Variants in CRADD observed in about 807,000 individuals in gnomAD.
CRADD encodes death domain-containing protein CRADD.
In CRADD, 9 loss-of-function variants were observed where a neutral mutation model predicts 15.5. That is an observed-to-expected ratio of 0.58 (90% CI 0.35 to 1.01). CRADD has a LOEUF of 1.01. Among genes scored for constraint, CRADD ranks in the 50% least tolerant of loss-of-function variants. The pLI is 0.02. For synonymous variants in CRADD, 118 were observed against 107.6 expected (o/e 1.10, Z -0.60); for missense variants, 227 against 250.3 (o/e 0.91, Z 0.63).
chr12:93,820,465 C>G (rs932280019), intron 2 of CRADD, among the ~76,000 whole-genome samples: 58 of 151,712 alleles, frequency 3.8e-4, no homozygotes, highest in Middle Eastern at 3.4e-3. Flanking sequence ...AGGAGAATGG[C>G]GTGAACTCAG....
chr12:93,849,995 G>A lies in CRADD; in HGVS notation c.324G>A (p.Ser108=), dbSNP rs140349832. The A allele has an allele frequency of 6.6e-5, 106 of 1,609,298 alleles. No individual in the cohort carries two copies. Among genetic ancestry groups the A allele is most frequent in the East Asian group, 2.5e-4 (11 of 44,856 alleles). The part of the protein sequence containing the change: ...PAGDRLTGIP[S]HILNSSPSDR... ...GTGACAGATTGACTGGGATCCCCTC[G>A]CACATCCTCAACAGCTCCCCATCAG... The change falls in exon 3 of 3, where the codon TCG becomes TCA. Residue 108 remains serine (S), a synonymous_variant. Coordinates refer to ENST00000332896, the MANE Select transcript of CRADD (RefSeq NM_003805.5).
intron 2 of CRADD, among the ~76,000 whole-genome samples, chr12:93,702,304 G>A (rs544609795): frequency 6.6e-6 from 1 of 151,980 alleles, no homozygotes; most frequent in Non-Finnish European, 1.5e-5. Context: ...TCTGGGCTTG[G>A]CAGGGTAGGT....
chr12:93,752,685 A>G (rs1956841094), intron 2 of CRADD, among the ~76,000 whole-genome samples: 1 of 152,224 alleles, frequency 6.6e-6, no homozygotes, highest in Admixed American at 6.5e-5. Context: ...TGGGTAATTT[A>G]TAAAGAAAAA....
chr12:93,805,056 G>A (rs1042575775), intron 2 of CRADD, among the ~76,000 whole-genome samples: 10 of 152,030 alleles, frequency 6.6e-5, no homozygotes, highest in African/African-American at 1.9e-4. Flanking sequence ...TAATGACTGT[G>A]ATGAGTTCAG....
At chr12:93,746,060 C>T (rs1294791215) in intron 2 of CRADD, among the ~76,000 whole-genome samples, 1 of 152,074 alleles carries the variant, frequency 6.6e-6, no homozygotes, top group East Asian at 1.9e-4. Context: ...GGGCAAAGAA[C>T]ATGTAATATA....
chr12:93,684,004 A>G (rs1165740751), intron 2 of CRADD, among the ~76,000 whole-genome samples: 2 of 152,078 alleles, frequency 1.3e-5, no homozygotes, highest in African/African-American at 4.8e-5. Context: ...ATCCATAGCA[A>G]GACCCTTCCC....
At chr12:93,894,586 C>T (rs571635807) in exon 3 of CRADD, 4 of 157,204 alleles carry the variant, frequency 2.5e-5, no homozygotes, top group South Asian at 1.9e-4. Flanking sequence ...GCGGGACATG[C>T]GGTGCATCAG....
At chr12:93,879,541 T>C (rs960962923) in intron 2 of CRADD, among the ~76,000 whole-genome samples, 2 of 152,198 alleles carry the variant, frequency 1.3e-5, no homozygotes, top group Admixed American at 1.3e-4. Flanking sequence ...TGACTAACTG[T>C]AACACATGTG....
chr12:93,847,498 GAAAAA>G (rs11378030), intron 2 of CRADD, among the ~76,000 whole-genome samples: 1 of 62,932 alleles, frequency 1.6e-5, no homozygotes, highest in South Asian at 8.6e-4. Flanking sequence ...AGCATTGCTT[GAAAAA>G]AAAAAAAAAA....
chr12:93,740,529 T>C (rs963071118), intron 2 of CRADD, among the ~76,000 whole-genome samples: 2 of 152,096 alleles, frequency 1.3e-5, no homozygotes, highest in Non-Finnish European at 2.9e-5. Context: ...GAAACTATCT[T>C]AGTGATTTTT....
rs114377650 is a variant in CRADD, at chr12:93,692,403, C to G, written c.298+13331C>G. On this transcript the variant is annotated intron_variant, in intron 2 of 2. Coordinates refer to ENST00000332896, the MANE Select transcript of CRADD (RefSeq NM_003805.5). Reference sequence around the variant, plus strand: ...AGTCTCTAATTAGATTCAATCCAAACAAGACTACACTAAGCCTTATTATAA... The same window carrying G: ...AGTCTCTAATTAGATTCAATCCAAAGAAGACTACACTAAGCCTTATTATAA... 4.2e-3 allele frequency among the ~76,000 whole-genome samples: 646 copies of G among 152,170 alleles called. 8 individuals are homozygous for G. Among genetic ancestry groups the G allele is most frequent in the African/African-American group, 0.015 (617 of 41,510 alleles).
chr12:93,693,169 G>A (rs894036223), intron 2 of CRADD, among the ~76,000 whole-genome samples: 4 of 152,122 alleles, frequency 2.6e-5, no homozygotes, highest in Non-Finnish European at 5.9e-5. Flanking sequence ...GACAGCCAGA[G>A]GAAGGAAAGA....
intron 2 of CRADD, among the ~76,000 whole-genome samples, chr12:93,712,017 A>G (rs1393655275): frequency 6.6e-6 from 1 of 152,042 alleles, no homozygotes; most frequent in African/African-American, 2.4e-5. Context: ...CGGTCTCCCA[A>G]AGTGCTGGGA....
intron 2 of CRADD, among the ~76,000 whole-genome samples, chr12:93,763,251 G>C (rs1031005090): frequency 1.3e-5 from 2 of 152,112 alleles, no homozygotes; most frequent in African/African-American, 4.8e-5. Context: ...TAAAGCTCTT[G>C]GTTCTGTATT....
At chr12:93,679,335 T>A (rs576773588) in intron 2 of CRADD, among the ~76,000 whole-genome samples, 3 of 151,868 alleles carry the variant, frequency 2.0e-5, no homozygotes, top group African/African-American at 7.2e-5. Flanking sequence ...AGAGATGGGG[T>A]TTCATCATGT....
chr12:93,691,320 C>G (rs2136814853), intron 2 of CRADD, among the ~76,000 whole-genome samples: 1 of 151,174 alleles, frequency 6.6e-6, no homozygotes, highest in South Asian at 2.1e-4. Context: ...ATGGCGCGAT[C>G]CTGGCTCACT....
chr12:93,717,822 G>T (rs1171735768), intron 2 of CRADD, among the ~76,000 whole-genome samples: 1 of 152,080 alleles, frequency 6.6e-6, no homozygotes, highest in Non-Finnish European at 1.5e-5. Flanking sequence ...CACCCTTCCT[G>T]TGATCTATTT....
rs143242192 is a variant in CRADD, at chr12:93,773,297, G to C, written c.299-76673G>C. Among the ~76,000 whole-genome samples the C allele has an allele frequency of 1.5e-4, 23 of 152,306 alleles. No individual in the cohort carries two copies. The East Asian group carries it at 3.3e-3, about 22-fold the overall frequency. ...TCCCACATGTTGTGGGAGGGACCCA[G>C]TGGGAGGTAGTTGAATCATGGGGGC... On this transcript the variant is annotated intron_variant, in intron 2 of 2. Transcript: ENST00000332896.
chr12:93,780,912 A>AT (rs58068881), intron 2 of CRADD, among the ~76,000 whole-genome samples: 51,860 of 139,140 alleles, frequency 0.37, 10,371 homozygotes, highest in East Asian at 0.61. Context: ...ATGCCCAGCT[A>AT]TTTTTTTTTT....
Sources: allele counts gnomAD v4.1 joint callset (sites outside exome capture counted in the v4.1 genomes callset), GRCh38; gene constraint gnomAD v4.1.1; transcripts MANE v1.5; gene names NCBI Gene and HGNC (gene_info 2026-07-23, HGNC 2026-07-21).